RSPH9: variants seen among roughly 807,000 people sequenced by gnomAD.
RSPH9 encodes the protein radial spoke head component 9.
In RSPH9, 27 loss-of-function variants were observed where a neutral mutation model predicts 27.0. The observed-to-expected ratio is 1.00, with a 90% CI of 0.74 to 1.38. The LOEUF is 1.38. Among genes scored for constraint, RSPH9 ranks in the 40% most tolerant of loss-of-function variants. The pLI is 0.00. For synonymous variants in RSPH9, 145 were observed against 147.7 expected, an observed-to-expected ratio of 0.98 and a Z score of 0.13; for missense variants, 347 against 357.4, an observed-to-expected ratio of 0.97 and a Z score of 0.24.
chr6:43,649,055 T>C lies in RSPH9; in HGVS notation c.228-1320T>C, dbSNP rs547194395. On this transcript the variant is annotated intron_variant, in intron 1 of 4. Coordinates refer to ENST00000372163, the MANE Select transcript of RSPH9 (RefSeq NM_152732.5). ...GGGAGGAAAGTCCCCCACAGGGCAA[T>C]TGTTGTTCTGAGATTATTGTTGAAA... is the stretch of plus-strand genomic sequence containing the variant. 2.6e-5 allele frequency among the ~76,000 whole-genome samples: 4 copies of C among 151,992 alleles called. No homozygotes were observed. The East Asian group carries it at 7.7e-4, about 29-fold the overall frequency.
chr6:43,665,950 C>T (rs998112972), intron 4 of RSPH9, among the ~76,000 whole-genome samples: 2 of 152,176 alleles, frequency 1.3e-5, no homozygotes, highest in East Asian at 1.9e-4. Context: ...CTCAGCCTCC[C>T]GAGTAGCTGG....
rs1450436168 is a variant in RSPH9 at position 43,659,440 on chromosome 6, T to C, written c.670+2717T>C. On this transcript the variant is annotated intron_variant, in intron 4 of 4. Transcript: ENST00000372163. ...CTCTGTCGCCCAGGCTGGAGTGCAG[T>C]GGTGCGATCTCGGCTCACTGCAAGC... Among the ~76,000 whole-genome samples the C allele has an allele frequency of 4.7e-5, 7 of 149,794 alleles. No individual in the cohort carries two copies. The Admixed American group carries it at 4.7e-4, about 10-fold the overall frequency.
intron 4 of RSPH9, among the ~76,000 whole-genome samples, chr6:43,669,061 A>T (rs981868585): frequency 3.9e-5 from 6 of 152,220 alleles, no homozygotes; most frequent in African/African-American, 1.4e-4. Context: ...CAGGTCTGAG[A>T]GGCAGAGGAC....
intron 4 of RSPH9, among the ~76,000 whole-genome samples, chr6:43,668,062 C>G (rs1370330422): frequency 6.6e-6 from 1 of 152,096 alleles, no homozygotes; most frequent in Non-Finnish European, 1.5e-5. Flanking sequence ...ATCCTCAAAA[C>G]ACAGCTTCTG....
intron 4 of RSPH9, among the ~76,000 whole-genome samples, chr6:43,658,901 A>G (rs1772316692): frequency 6.6e-6 from 1 of 152,048 alleles, no homozygotes; most frequent in Non-Finnish European, 1.5e-5. Flanking sequence ...ATTGGCCAGG[A>G]TGGTCTCGAT....
intron 4 of RSPH9, among the ~76,000 whole-genome samples, chr6:43,670,167 C>T (rs1261525424): frequency 6.6e-6 from 1 of 152,206 alleles, no homozygotes; most frequent in African/African-American, 2.4e-5. Context: ...CAACTCCCCT[C>T]TGCCTGTGGA....
intron 4 of RSPH9, chr6:43,666,609 AT>A: frequency 1.2e-6 from 1 of 830,672 alleles, no homozygotes; most frequent in South Asian, 1.8e-5. Flanking sequence ...TGTTGTCCTC[AT>A]GAGTTGTCAT....
In RSPH9 at chr6:43,645,127, T is replaced by G. The variant is rs1582372743; in HGVS notation, c.29T>G (p.Leu10Arg). 1.9e-6 allele frequency: 3 copies of G among 1,612,868 alleles called. No individual in the cohort carries two copies. The highest frequency in any genetic ancestry group is 2.5e-6 in the Non-Finnish European group (3 of 1,179,982). The change falls in exon 1 of 5, where the codon CTG (leucine) becomes CGG (arginine). Residue 10 changes from leucine to arginine, a missense_variant. Coordinates refer to ENST00000372163, the MANE Select transcript of RSPH9 (RefSeq NM_152732.5). ...GACGCCGACAGCCTCCTGCTGTCTC[T>G]GGAGCTGGCGTCCGGCAGTGGGCAG... MDADSLLLS[L>R]ELASGSGQGL...
chr6:43,649,259 G>A (rs1284281043), intron 1 of RSPH9, among the ~76,000 whole-genome samples: 13 of 150,586 alleles, frequency 8.6e-5, no homozygotes, highest in Non-Finnish European at 1.9e-4. Context: ...GTGTGATCTC[G>A]GCTCACTGCA....
In RSPH9 at chr6:43,662,305, C is replaced by T. The variant is rs189136732; in HGVS notation, c.670+5582C>T. 4.5e-4 allele frequency among the ~76,000 whole-genome samples: 69 copies of T among 152,090 alleles called. 1 individual carries two copies. The highest frequency in any genetic ancestry group is 1.9e-3 in the East Asian group (10 of 5,176). ...CTGTGGCTTAAGAGAAGGTTGTGGC[C>T]GGTTTGATTTCCTATCTAGACCACT... On this transcript the variant is annotated intron_variant, in intron 4 of 4. Coordinates refer to ENST00000372163, the MANE Select transcript of RSPH9 (RefSeq NM_152732.5).
intron 4 of RSPH9, among the ~76,000 whole-genome samples, chr6:43,667,174 G>C (rs1773227627): frequency 6.6e-6 from 1 of 152,214 alleles, no homozygotes; most frequent in African/African-American, 2.4e-5. Flanking sequence ...CACCTCCCTT[G>C]CCTCAGAGGT....
intron 1 of RSPH9, among the ~76,000 whole-genome samples, chr6:43,647,113 A>G (rs1456370077): frequency 7.3e-6 from 1 of 136,136 alleles, no homozygotes; most frequent in Non-Finnish European, 1.7e-5. Context: ...CTGGTGACAG[A>G]GCGAGACCCT....
intron 2 of RSPH9, among the ~76,000 whole-genome samples, chr6:43,654,271 G>C (rs972542571): frequency 6.6e-6 from 1 of 152,176 alleles, no homozygotes; most frequent in African/African-American, 2.4e-5. Flanking sequence ...GCCCTAGATA[G>C]TAATTGTAAC....
intron 4 of RSPH9, among the ~76,000 whole-genome samples, chr6:43,664,025 TC>T (rs373197211): frequency 1.7e-5 from 2 of 117,498 alleles, no homozygotes; most frequent in African/African-American, 9.3e-5. Context: ...TGAGAATGTC[TC>T]GAAAAAAAAA....
intron 2 of RSPH9, 86 bp from the exon 3 acceptor site, chr6:43,655,476 G>C: frequency 1.4e-6 from 2 of 1,480,256 alleles, no homozygotes; most frequent in Non-Finnish European, 1.9e-6. Context: ...GCAGTGGTGC[G>C]GGTGAGATGG....
chr6:43,649,737 G>T (rs142036465), intron 1 of RSPH9, among the ~76,000 whole-genome samples: 10 of 152,230 alleles, frequency 6.6e-5, no homozygotes, highest in Non-Finnish European at 1.5e-4. Flanking sequence ...GACTCAGTGG[G>T]CAGGCTGAGC....
chr6:43,659,476 G>A (rs924519372), intron 4 of RSPH9, among the ~76,000 whole-genome samples: 12 of 150,506 alleles, frequency 8.0e-5, no homozygotes, highest in Admixed American at 2.7e-4. Flanking sequence ...TCCGCCTCCC[G>A]GGTTCACGCC....
chr6:43,656,037 C>CTTCCTTCCTT (rs1554147905), intron 3 of RSPH9, among the ~76,000 whole-genome samples: 3 of 78,162 alleles, frequency 3.8e-5, no homozygotes, highest in Non-Finnish European at 7.7e-5. Context: ...TCCTTCCTTC[C>CTTCCTTCCTT]CCTTCTTTCC....
chr6:43,651,080 C>T (rs1441668229), intron 2 of RSPH9, among the ~76,000 whole-genome samples: 3 of 151,844 alleles, frequency 2.0e-5, no homozygotes, highest in Non-Finnish European at 4.4e-5. Context: ...CAGGCATGAG[C>T]CAGCATCCCT....
Sources: gnomAD v4.1 joint callset for allele counts (sites outside exome capture counted in the v4.1 genomes callset) on GRCh38, gnomAD v4.1.1 for gene constraint, MANE v1.5 for transcripts, NCBI Gene and HGNC (gene_info 2026-07-23, HGNC 2026-07-21) for gene names.